ARID4A: variants seen among roughly 807,000 people sequenced by gnomAD.
ARID4A encodes the protein AT-rich interactive domain-containing protein 4A.
Under a neutral mutation model 148.6 loss-of-function variants are expected in ARID4A, and 39 were observed. That is an observed-to-expected ratio of 0.26 (90% CI 0.20 to 0.34). The LOEUF is 0.34. Among genes scored for constraint, ARID4A ranks in the 10% least tolerant of loss-of-function variants. The probability of loss-of-function intolerance (pLI) is 1.00; values close to 1 mark genes in which losing one functional copy is unlikely to be tolerated. For missense variants in ARID4A, 1,265 were observed against 1,449.1 expected (o/e 0.87, Z 2.06); for synonymous variants, 475 against 481.2 (o/e 0.99, Z 0.17).
chr14:58,338,767 AAAAG>A (rs1056532798), intron 11 of ARID4A, among the ~76,000 whole-genome samples: 2 of 152,066 alleles, frequency 1.3e-5, no homozygotes, highest in Admixed American at 6.6e-5. Flanking sequence ...TGAATGTACT[AAAAG>A]AAAGAATATA....
chr14:58,317,065 T>C (rs1045314554), intron 5 of ARID4A, among the ~76,000 whole-genome samples: 5 of 149,190 alleles, frequency 3.4e-5, no homozygotes, highest in East Asian at 2.1e-4. Flanking sequence ...TGGTGACGTG[T>C]GCCTGTAGTC....
intron 11 of ARID4A, among the ~76,000 whole-genome samples, chr14:58,338,731 T>C (rs1254651730): frequency 6.6e-6 from 1 of 152,116 alleles, no homozygotes; most frequent in African/African-American, 2.4e-5. Flanking sequence ...TTGGTAAAAG[T>C]ATTTAGTGTT....
intron 18 of ARID4A, among the ~76,000 whole-genome samples, chr14:58,360,565 G>A (rs1046469798): frequency 5.9e-5 from 9 of 152,070 alleles, no homozygotes; most frequent in African/African-American, 1.4e-4. Context: ...CGGGGAGTGC[G>A]GAATAGTTGT....
intron 5 of ARID4A, among the ~76,000 whole-genome samples, chr14:58,317,693 G>C (rs186686633): frequency 8.2e-6 from 1 of 122,164 alleles, no homozygotes; most frequent in African/African-American, 3.2e-5. Flanking sequence ...CACAATCATG[G>C]CTCACTAACC....
intron 11 of ARID4A, among the ~76,000 whole-genome samples, chr14:58,339,843 GGAGAGAGAGAGAGA>G (rs35021584): frequency 7.1e-4 from 101 of 142,388 alleles, no homozygotes; most frequent in Admixed American, 1.8e-3. Context: ...CGTGGCAACA[GGAGAGAGAGAGAGA>G]GAGAGAGAGA....
intron 8 of ARID4A, among the ~76,000 whole-genome samples, chr14:58,326,506 A>C (rs2033220904): frequency 6.6e-6 from 1 of 152,236 alleles, no homozygotes; most frequent in Non-Finnish European, 1.5e-5. Flanking sequence ...GCTAAATATT[A>C]GATGCGAGTG....
intron 23 of ARID4A, among the ~76,000 whole-genome samples, chr14:58,371,489 CCT>C (rs1388680838): frequency 6.6e-6 from 1 of 152,102 alleles, no homozygotes; most frequent in African/African-American, 2.4e-5. Context: ...CAGAGGAAAT[CCT>C]CTGAGTTAAA....
intron 11 of ARID4A, among the ~76,000 whole-genome samples, chr14:58,343,862 C>G (rs922497324): frequency 3.3e-5 from 5 of 151,686 alleles, no homozygotes; most frequent in Non-Finnish European, 7.4e-5. Context: ...CTGAGCTCTT[C>G]TTTTAGAACA....
chr14:58,347,826 T>A lies in ARID4A; in HGVS notation c.1352T>A (p.Ile451Asn), dbSNP rs771443891. ...GTGAAGAGTGAACCTGAGGAAAATATCGATTCAAACAGTGAAAGTGAAAGA... is the reference window on the plus strand; with the variant it reads ...GTGAAGAGTGAACCTGAGGAAAATAACGATTCAAACAGTGAAAGTGAAAGA... ...TEVKSEPEEN[I>N]DSNSESEREE... is the part of the protein sequence containing the mutation. Residue 451 changes from isoleucine to asparagine, a missense_variant, in exon 15 of 24, where the codon ATC becomes AAC. By Grantham distance (149) the Ile-to-Asn change is moderately radical. Around this residue, in one of 9 missense-constraint regions of ARID4A, gnomAD observed 205 missense variants for 196.9 expected, o/e 1.04. Transcript: ENST00000355431. 65 of 1,613,592 alleles carry A rather than the reference T, an allele frequency of 4.0e-5. No individual in the cohort carries two copies. The highest frequency in any genetic ancestry group is 5.1e-5 in the Non-Finnish European group (60 of 1,179,848).
intron 7 of ARID4A, among the ~76,000 whole-genome samples, chr14:58,320,092 C>T (rs901418461): frequency 1.3e-5 from 2 of 151,436 alleles, no homozygotes; most frequent in African/African-American, 2.4e-5. Flanking sequence ...GAACTACAGG[C>T]GCGTGCCACC....
chr14:58,349,839 G>A (rs1418413215), intron 15 of ARID4A, among the ~76,000 whole-genome samples: 6 of 152,168 alleles, frequency 3.9e-5, no homozygotes, highest in South Asian at 2.1e-4. Context: ...GGCCGGGCAC[G>A]GTGGCTCACG....
chr14:58,323,469 T>G lies in ARID4A; in HGVS notation c.450-16T>G, dbSNP rs2033028924. The G allele has an allele frequency of 5.0e-6, 8 of 1,600,806 alleles. No homozygotes were observed. Among genetic ancestry groups the G allele is most frequent in the Non-Finnish European group, 6.8e-6 (8 of 1,168,104 alleles). On this transcript the variant is annotated splice_polypyrimidine_tract_variant and intron_variant, in intron 7 of 23. Coordinates refer to ENST00000355431, the MANE Select transcript of ARID4A (RefSeq NM_002892.4). ...TGTTTGTGTTAGGATAATGATCAAG[T>G]TATTCTAACTTTTAGTACTGAAGAT...
At chr14:58,362,421 T>C (rs1294727188) in intron 19 of ARID4A, among the ~76,000 whole-genome samples, 1 of 151,990 alleles carries the variant, frequency 6.6e-6, no homozygotes, top group Non-Finnish European at 1.5e-5. Context: ...AGACCCCATC[T>C]TTACAAAAAA....
At chr14:58,312,436 G>A (rs1333635447) in intron 5 of ARID4A, among the ~76,000 whole-genome samples, 3 of 151,830 alleles carry the variant, frequency 2.0e-5, no homozygotes, top group African/African-American at 4.8e-5. Context: ...GGCCAGTCTC[G>A]AACTCCTGAG....
intron 1 of ARID4A, among the ~76,000 whole-genome samples, chr14:58,298,932 G>C (rs937330726): frequency 6.6e-6 from 1 of 152,306 alleles, no homozygotes; most frequent in East Asian, 1.9e-4. Context: ...TCGGGTTCCC[G>C]GGAAAATGGC....
rs1385782691 is a variant in ARID4A at position 58,373,259 on chromosome 14, T to A, written c.*1270T>A. The A allele has an allele frequency of 5.1e-6, 1 of 197,576 alleles. No homozygotes were observed. The highest frequency in any genetic ancestry group is 1.1e-5 in the Non-Finnish European group (1 of 95,090). 12.2% of individuals were successfully genotyped at this position (197,576 alleles called of 1,614,324 possible). A position where few individuals can be genotyped will look rare whatever the true frequency, so the allele number is the denominator to read the frequency against. On this transcript the variant is annotated 3_prime_UTR_variant, in exon 24 of 24. Transcript: ENST00000355431. ...AAGTAAAGCAACTATGTATGCTTTGTCTGTGAATTGTTCCACAGACTGATA... is the reference window on the plus strand; with the variant it reads ...AAGTAAAGCAACTATGTATGCTTTGACTGTGAATTGTTCCACAGACTGATA...
chr14:58,347,780 C>G lies in ARID4A; in HGVS notation c.1306C>G (p.Gln436Glu). The change falls in exon 15 of 24, where the codon CAA becomes GAA. Residue 436 changes from glutamine to glutamate, a missense_variant. This residue lies in a region of ARID4A where 205 missense variants were observed against 196.9 expected (regional missense o/e 1.04). Coordinates refer to ENST00000355431, the MANE Select transcript of ARID4A (RefSeq NM_002892.4). ...ESMEEALKLD[Q>E]EMPLTEVKSE... ...AATGGAAGAGGCTCTCAAATTAGAT[C>G]AAGAAATGCCTTTAACAGAAGTGAA... The G allele has an allele frequency of 6.2e-7, 1 of 1,613,654 alleles. No individual in the cohort carries two copies. The highest frequency in any genetic ancestry group is 2.2e-5 in the East Asian group (1 of 44,828).
chr14:58,314,268 C>G (rs181248059), intron 5 of ARID4A, among the ~76,000 whole-genome samples: 2 of 152,206 alleles, frequency 1.3e-5, no homozygotes, highest in African/African-American at 4.8e-5. Flanking sequence ...TTCACTCTTA[C>G]AAAAATTATA....
chr14:58,299,880 C>T lies in ARID4A; in HGVS notation c.6+20C>T. On this transcript the variant is annotated intron_variant, in intron 2 of 23. Coordinates refer to ENST00000355431, the MANE Select transcript of ARID4A (RefSeq NM_002892.4). ...ATGAAGGTAAGTGGAGTCAACTCTG[C>T]CCCGATCCTCGCGCCCTGAACACTG... The T allele has an allele frequency of 1.2e-6, 2 of 1,614,186 alleles. No homozygotes were observed. The highest frequency in any genetic ancestry group is 1.7e-6 in the Non-Finnish European group (2 of 1,179,992).
Sources: gnomAD v4.1 joint callset for allele counts (sites outside exome capture counted in the v4.1 genomes callset) on GRCh38, gnomAD v4.1.1 for gene constraint, gnomAD v4.1.1 regional missense constraint, MANE v1.5 for transcripts, NCBI Gene and HGNC (gene_info 2026-07-23, HGNC 2026-07-21) for gene names.